The following DNAH8 variants were observed in gnomAD, a reference collection of about 807,000 sequenced individuals.
DNAH8 encodes dynein axonemal heavy chain 8.
A neutral mutation model predicts 562.1 loss-of-function variants in DNAH8; 382 were observed. That is an observed-to-expected ratio of 0.68 (90% CI 0.63 to 0.74). The LOEUF is 0.74. Among genes scored for constraint, DNAH8 ranks in the 30% least tolerant of loss-of-function variants. The probability of loss-of-function intolerance (pLI) is 0.00; values close to 1 mark genes in which losing one functional copy is unlikely to be tolerated. For synonymous variants in DNAH8, 1,881 were observed against 1,919.4 expected (o/e 0.98, Z 0.52); for missense variants, 5,203 against 5,620.4 (o/e 0.93, Z 2.37).
intron 53 of DNAH8, among the ~76,000 whole-genome samples, chr6:38,876,136 G>GTCTTTCTGTTC (rs1777975760): frequency 6.6e-6 from 1 of 152,202 alleles, no homozygotes; most frequent in Non-Finnish European, 1.5e-5. Flanking sequence ...GCAGCGTGGA[G>GTCTTTCTGTTC]AACACAGATT....
At chr6:38,778,313 A>G in intron 13 of DNAH8, 75 bp from the exon 14 acceptor site, 1 of 742,704 alleles carries the variant, frequency 1.3e-6, no homozygotes, top group African/African-American at 1.8e-5. Context: ...TCTGTAGGAA[A>G]AGCATTAACT....
intron 30 of DNAH8, among the ~76,000 whole-genome samples, chr6:38,830,147 T>G (rs1432097484): frequency 6.6e-6 from 1 of 152,216 alleles, no homozygotes; most frequent in Non-Finnish European, 1.5e-5. Flanking sequence ...CTCTACCATT[T>G]ATTTGTGCTC....
chr6:38,792,933 C>T (rs1769893200), intron 21 of DNAH8, among the ~76,000 whole-genome samples: 1 of 152,018 alleles, frequency 6.6e-6, no homozygotes, highest in African/African-American at 2.4e-5. Flanking sequence ...TGCATACCAC[C>T]ACAACTTGCT....
chr6:39,006,224 A>T (rs1200810733), intron 88 of DNAH8, among the ~76,000 whole-genome samples: 1 of 152,240 alleles, frequency 6.6e-6, no homozygotes, highest in East Asian at 1.9e-4. Context: ...AATAATAAAT[A>T]TGTCTTGTTT....
intron 9 of DNAH8, among the ~76,000 whole-genome samples, chr6:38,753,283 G>A (rs1007079539): frequency 6.6e-6 from 1 of 152,102 alleles, no homozygotes; most frequent in African/African-American, 2.4e-5. Context: ...GAGAAGTAAG[G>A]CCTTTGCTTG....
At chr6:38,909,086 C>T (rs1012914812) in intron 64 of DNAH8, among the ~76,000 whole-genome samples, 3 of 152,134 alleles carry the variant, frequency 2.0e-5, no homozygotes, top group African/African-American at 7.2e-5. Flanking sequence ...TAACTCTGCC[C>T]TATACAAGGA....
chr6:38,858,302 C>A (rs1776357826), intron 42 of DNAH8, among the ~76,000 whole-genome samples: 1 of 152,152 alleles, frequency 6.6e-6, no homozygotes. Flanking sequence ...CCATTTAACT[C>A]CTATTGCTTT....
At chr6:38,975,773 T>C (rs1348355460) in intron 85 of DNAH8, among the ~76,000 whole-genome samples, 1 of 152,252 alleles carries the variant, frequency 6.6e-6, no homozygotes, top group Non-Finnish European at 1.5e-5. Context: ...TATCACATCC[T>C]AATACAAATA....
chr6:38,718,782 T>C (rs1762530026), intron 1 of DNAH8, among the ~76,000 whole-genome samples: 1 of 152,230 alleles, frequency 6.6e-6, no homozygotes, highest in Admixed American at 6.5e-5. Context: ...TTATTATTTA[T>C]CTTAACAGAT....
At chr6:38,859,573 A>G in intron 42 of DNAH8, among the ~76,000 whole-genome samples, 1 of 152,158 alleles carries the variant, frequency 6.6e-6, no homozygotes, top group East Asian at 1.9e-4. Context: ...TCCTGTGTTG[A>G]TTCCTCTGAA....
chr6:39,007,925 C>T (rs1765896507), intron 88 of DNAH8, among the ~76,000 whole-genome samples: 2 of 126,822 alleles, frequency 1.6e-5, no homozygotes, highest in South Asian at 5.4e-4. Context: ...CAGGCACATA[C>T]AGCGCCCCAC....
chr6:38,934,170 C>T (rs1319919908), intron 76 of DNAH8, among the ~76,000 whole-genome samples: 2 of 151,500 alleles, frequency 1.3e-5, no homozygotes, highest in Non-Finnish European at 2.9e-5. Context: ...CTGGCCAACA[C>T]GGTGAAACCC....
At chr6:39,026,511 A>G (rs1305559567) in intron 91 of DNAH8, 35 bp from the exon 92 acceptor site, 1 of 1,582,904 alleles carries the variant, frequency 6.3e-7, no homozygotes, top group Non-Finnish European at 8.6e-7. Context: ...GCAGATTGCA[A>G]CAAGGCTTCA....
rs76501231 is a variant in DNAH8 at position 39,011,667 on chromosome 6, C to G, written c.13372-548C>G. Among the ~76,000 whole-genome samples the G allele has an allele frequency of 2.6e-4, 40 of 152,278 alleles. 1 individual carries two copies. In the East Asian group the frequency reaches 3.3e-3, roughly 12 times the overall value. On this transcript the variant is annotated intron_variant, in intron 89 of 92. Coordinates refer to ENST00000327475, the MANE Select transcript of DNAH8 (RefSeq NM_001206927.2). ...AAATGACAGATATTTAACTGGCTGT[C>G]CCACAAAATCAAATATTTTCATTGA...
intron 88 of DNAH8, among the ~76,000 whole-genome samples, chr6:38,996,903 A>G (rs1243364166): frequency 1.3e-5 from 2 of 152,034 alleles, no homozygotes; most frequent in Non-Finnish European, 2.9e-5. Context: ...CTCCCAAAAT[A>G]GTGTCAGGAT....
In DNAH8 at chr6:38,866,575, A is replaced by G. The variant is rs775757113; in HGVS notation, c.6499-16A>G. 2.6e-6 allele frequency: 4 copies of G among 1,564,190 alleles called. No homozygotes were observed. The African/African-American group carries it at 5.5e-5, about 22-fold the overall frequency. On this transcript the variant is annotated splice_polypyrimidine_tract_variant and intron_variant, in intron 45 of 92. Coordinates refer to ENST00000327475, the MANE Select transcript of DNAH8 (RefSeq NM_001206927.2). ...TTGTTTTAGCAATTAAAAATTAAACATATTTTAACTTTTAGAACCCTGGAT... is the reference window on the plus strand; with the variant it reads ...TTGTTTTAGCAATTAAAAATTAAACGTATTTTAACTTTTAGAACCCTGGAT...
intron 88 of DNAH8, among the ~76,000 whole-genome samples, chr6:38,997,592 T>A (rs1046896979): frequency 1.3e-5 from 2 of 152,048 alleles, no homozygotes; most frequent in Non-Finnish European, 2.9e-5. Flanking sequence ...GGAGCCCAGG[T>A]GAAAGATTTG....
chr6:38,957,322 A>G (rs1762311084), intron 82 of DNAH8, among the ~76,000 whole-genome samples: 1 of 148,830 alleles, frequency 6.7e-6, no homozygotes, highest in African/African-American at 2.4e-5. Flanking sequence ...AAAAGATATA[A>G]TTAATAAAAA....
intron 32 of DNAH8, among the ~76,000 whole-genome samples, chr6:38,835,763 G>A (rs998716772): frequency 6.6e-5 from 10 of 152,128 alleles, no homozygotes; most frequent in African/African-American, 2.4e-4. Context: ...AGTGGGCAGC[G>A]AGCACCAGTG....
Sources: gnomAD v4.1 joint callset for allele counts (sites outside exome capture counted in the v4.1 genomes callset) on GRCh38, gnomAD v4.1.1 for gene constraint, MANE v1.5 for transcripts, NCBI Gene and HGNC (gene_info 2026-07-23, HGNC 2026-07-21) for gene names.